SLCO3A1: variants seen among roughly 807,000 people sequenced by gnomAD.
SLCO3A1 encodes PGE1 transporter.
In SLCO3A1, 27 loss-of-function variants were observed where a neutral mutation model predicts 63.1. The observed-to-expected ratio is 0.43, with a 90% CI of 0.32 to 0.59. SLCO3A1 has a LOEUF of 0.59. SLCO3A1 is among the 20% of genes least tolerant of loss of function. The pLI, the probability that SLCO3A1 is intolerant of heterozygous loss-of-function variation, is 0.09. For synonymous variants in SLCO3A1, 473 were observed against 409.9 expected, an observed-to-expected ratio of 1.15 and a Z score of -1.86; for missense variants, 773 against 945.8, an observed-to-expected ratio of 0.82 and a Z score of 2.40.
chr15:92,143,417 A>T lies in SLCO3A1; in HGVS notation c.1513-3567A>T, dbSNP rs2048166630. On this transcript the variant is annotated intron_variant, in intron 7 of 9. Coordinates refer to ENST00000318445, the MANE Select transcript of SLCO3A1 (RefSeq NM_013272.4). ...ATTATATAATATATATAATATATAT[A>T]TTATATATATATAATATATATAATA... 5.2e-4 allele frequency among the ~76,000 whole-genome samples: 2 copies of T among 3,864 alleles called. 1 individual carries two copies. The highest frequency in any genetic ancestry group is 4.9e-3 in the African/African-American group (2 of 410). The allele number at this position is 3,864 out of a possible 152,430, so 2.5% of individuals were successfully genotyped here. A position where few individuals can be genotyped will look rare whatever the true frequency, so the allele number is the denominator to read the frequency against.
chr15:91,999,817 T>G (rs2046232334), intron 2 of SLCO3A1, among the ~76,000 whole-genome samples: 1 of 152,174 alleles, frequency 6.6e-6, no homozygotes, highest in Non-Finnish European at 1.5e-5. Flanking sequence ...TAAGATCACT[T>G]TGGAAAATAA....
chr15:91,965,120 G>C (rs1050370384), intron 2 of SLCO3A1, among the ~76,000 whole-genome samples: 5 of 151,612 alleles, frequency 3.3e-5, no homozygotes, highest in Non-Finnish European at 7.4e-5. Flanking sequence ...AGGGTTTTTA[G>C]AATCTGTTGG....
At chr15:92,122,307 T>C (rs1219479739) in intron 5 of SLCO3A1, among the ~76,000 whole-genome samples, 2 of 152,158 alleles carry the variant, frequency 1.3e-5, no homozygotes, top group Non-Finnish European at 2.9e-5. Flanking sequence ...GTCTTCTCTG[T>C]AAAGTAGGAG....
At chr15:91,895,400 T>G (rs558122001) in intron 1 of SLCO3A1, among the ~76,000 whole-genome samples, 37 of 152,366 alleles carry the variant, frequency 2.4e-4, no homozygotes, top group Non-Finnish European at 4.6e-4. Context: ...ATGTGATGCA[T>G]ATTTGTTGCT....
chr15:92,043,477 C>T (rs991750857), intron 2 of SLCO3A1, among the ~76,000 whole-genome samples: 6 of 152,204 alleles, frequency 3.9e-5, no homozygotes, highest in South Asian at 2.1e-4. Flanking sequence ...AGGCTGTGAA[C>T]GTCAGTTCCA....
chr15:91,902,804 G>A (rs1020438104), intron 1 of SLCO3A1, among the ~76,000 whole-genome samples: 4 of 152,110 alleles, frequency 2.6e-5, no homozygotes, highest in Admixed American at 6.5e-5. Context: ...CTCTGGCACC[G>A]GATTGCCTGG....
chr15:92,157,423 G>A (rs2048384481), intron 9 of SLCO3A1, among the ~76,000 whole-genome samples: 1 of 150,130 alleles, frequency 6.7e-6, no homozygotes, highest in African/African-American at 2.5e-5. Flanking sequence ...AAGTACACCT[G>A]GCCCCCCCCC....
chr15:91,964,717 G>A (rs1434915893), intron 2 of SLCO3A1, among the ~76,000 whole-genome samples: 1 of 151,876 alleles, frequency 6.6e-6, no homozygotes, highest in Non-Finnish European at 1.5e-5. Flanking sequence ...AGCAAGCTGG[G>A]TACTAACATC....
chr15:91,938,473 G>GTTTTTTTTTTTT (rs1035027089), intron 2 of SLCO3A1, among the ~76,000 whole-genome samples: 1 of 126,744 alleles, frequency 7.9e-6, no homozygotes, highest in African/African-American at 3.4e-5. Flanking sequence ...CTAAACATTG[G>GTTTTTTTTTTTT]TTTTTTTTGT....
intron 6 of SLCO3A1, among the ~76,000 whole-genome samples, chr15:92,127,379 GC>G (rs1171186827): frequency 7.2e-6 from 1 of 139,200 alleles, no homozygotes; most frequent in East Asian, 2.1e-4. Flanking sequence ...ACATCACACA[GC>G]CCTAGTTCCA....
chr15:92,111,007 C>T (rs2047722418), intron 4 of SLCO3A1, among the ~76,000 whole-genome samples: 2 of 152,218 alleles, frequency 1.3e-5, no homozygotes, highest in Admixed American at 1.3e-4. Context: ...GGTGCCAAAA[C>T]TGACTTGCCC....
At chr15:91,924,108 A>G (rs55771916) in intron 2 of SLCO3A1, among the ~76,000 whole-genome samples, 9,920 of 152,290 alleles carry the variant, frequency 0.065, 476 homozygotes, top group Non-Finnish European at 0.1. Flanking sequence ...TGGGCCGGCT[A>G]TGGGTGTTGG....
chr15:91,909,950 C>A (rs1597111404), intron 1 of SLCO3A1, among the ~76,000 whole-genome samples: 1 of 152,232 alleles, frequency 6.6e-6, no homozygotes, highest in African/African-American at 2.4e-5. Flanking sequence ...TCTCTCCTCC[C>A]TGATACCTGC....
intron 2 of SLCO3A1, among the ~76,000 whole-genome samples, chr15:92,008,097 G>A (rs1597214657): frequency 6.6e-6 from 1 of 152,176 alleles, no homozygotes; most frequent in Admixed American, 6.5e-5. Flanking sequence ...GAACTTGAGA[G>A]CAACCCCATA....
At chr15:91,957,744 T>C (rs1900292131) in intron 2 of SLCO3A1, among the ~76,000 whole-genome samples, 1 of 152,206 alleles carries the variant, frequency 6.6e-6, no homozygotes, top group Admixed American at 6.5e-5. Context: ...CTCAGCTTTA[T>C]TTTTCTCCAT....
chr15:92,060,857 CTAAGA>C lies in SLCO3A1; in HGVS notation c.647-34020_647-34016del, dbSNP rs2047078932. Among the ~76,000 whole-genome samples the C allele has an allele frequency of 2.6e-5, 4 of 152,208 alleles. No homozygotes were observed. The South Asian group carries it at 8.3e-4, about 32-fold the overall frequency. Reference sequence around the variant, plus strand: ...ACTTTTTAAACATTTTTGTTAAAAACTAAGATAAAACATACACATTAACCTTGGCC... The same window carrying C: ...ACTTTTTAAACATTTTTGTTAAAAACTAAAACATACACATTAACCTTGGCC... On this transcript the variant is annotated intron_variant, in intron 2 of 9. Transcript: ENST00000318445.
chr15:92,004,765 A>G (rs753105814), intron 2 of SLCO3A1, among the ~76,000 whole-genome samples: 2 of 152,222 alleles, frequency 1.3e-5, no homozygotes, highest in Non-Finnish European at 2.9e-5. Flanking sequence ...CCTCAAATGC[A>G]TTAGTCCCGA....
In SLCO3A1 at chr15:92,128,370, C is replaced by G; in HGVS notation, c.1393C>G (p.Leu465Val). The part of the protein sequence containing the change: ...YGNSTAPGSA[L>V]DPYSPCNNNC... ...TTCCAGCACAGCACCTGGCTCAGCC[C>G]TGGACCCCTACTCGCCCTGCAATAA... The change falls in exon 7 of 10, where the codon CTG becomes GTG. Residue 465 changes from leucine (L) to valine (V), a missense_variant. Transcript: ENST00000318445. 1.1e-5 allele frequency: 17 copies of G among 1,614,134 alleles called. 1 individual carries two copies. The South Asian group carries it at 1.9e-4, about 18-fold the overall frequency.
chr15:92,041,710 G>C (rs1047851493), intron 2 of SLCO3A1, among the ~76,000 whole-genome samples: 2 of 152,130 alleles, frequency 1.3e-5, no homozygotes, highest in Non-Finnish European at 2.9e-5. Flanking sequence ...TCCTTCCTGC[G>C]TGTCACCTGA....
Sources: allele counts gnomAD v4.1 joint callset (sites outside exome capture counted in the v4.1 genomes callset), GRCh38; gene constraint gnomAD v4.1.1; transcripts MANE v1.5; gene names NCBI Gene and HGNC (gene_info 2026-07-23, HGNC 2026-07-21).